Variants in STRADA observed in about 807,000 individuals in gnomAD.
STRADA encodes STE20 related adaptor alpha, also known as STE20-related kinase adapter protein alpha.
In STRADA, 26 loss-of-function variants were observed where a neutral mutation model predicts 55.0. The ratio of observed to expected loss-of-function variants is 0.47; its 90% CI spans 0.35 to 0.66. STRADA has a LOEUF of 0.66. Ranked by LOEUF, STRADA falls within the 30% of genes least tolerant of loss-of-function variation. STRADA has a pLI of 0.01. For synonymous variants in STRADA, 197 were observed against 210.9 expected (o/e 0.93, Z 0.57); for missense variants, 443 against 549.7 (o/e 0.81, Z 1.94).
chr17:63,723,307 A>G lies in STRADA; in HGVS notation c.114T>C (p.Thr38=). The G allele has an allele frequency of 6.2e-7, 1 of 1,614,184 alleles. No homozygotes were observed. Among genetic ancestry groups the G allele is most frequent in the African/African-American group, 1.3e-5 (1 of 75,046 alleles). The stretch of plus-strand genomic sequence containing the variant: ...CTAGGAAGCCACTTACTTTTCTCCG[A>G]GTGTCACCCGGAGGCTGCTCTGGGG... ...ELFGEQPPGD[T]RRKTNDASSE... Residue 38 remains threonine (T), a synonymous_variant, in exon 4 of 13, where the codon ACT becomes ACC. Coordinates refer to ENST00000336174, the MANE Select transcript of STRADA (RefSeq NM_001003787.4).
At chr17:63,732,841 C>T (rs990171302) in intron 1 of STRADA, among the ~76,000 whole-genome samples, 3 of 152,116 alleles carry the variant, frequency 2.0e-5, no homozygotes, top group Non-Finnish European at 4.4e-5. Context: ...CTTGGCCTCC[C>T]AAAGTGGTGA....
At chr17:63,734,619 AGAGT>A (rs1933645182) in intron 1 of STRADA, among the ~76,000 whole-genome samples, 1 of 152,138 alleles carries the variant, frequency 6.6e-6, no homozygotes, top group African/African-American at 2.4e-5. Flanking sequence ...CCTGGATGAC[AGAGT>A]GAGACCCTGT....
At position 63,704,390 on chromosome 17, in the gene STRADA, G is replaced by T. The variant is rs376896311; in HGVS notation, c.1051C>A (p.His351Asn). Residue 351 changes from histidine (H) to asparagine (N), a missense_variant, in exon 11 of 13, where the codon CAC becomes AAC. His to Asn is a moderately conservative substitution (Grantham distance 68). Coordinates refer to ENST00000336174, the MANE Select transcript of STRADA (RefSeq NM_001003787.4). ...CACTGCTCCACAAAGTGGTGGAAGT[G>T]GGGGGAGAAGGTTCGGTGGTAGGGG... ...SHPYHRTFSP[H>N]FHHFVEQCLQ... is the part of the protein sequence containing the mutation. The T allele has an allele frequency of 3.1e-5, 50 of 1,612,552 alleles. No homozygotes were observed. Among genetic ancestry groups the T allele is most frequent in the East Asian group, 1.1e-4 (5 of 44,822 alleles).
At chr17:63,714,191 C>T (rs1482899721) in intron 4 of STRADA, 83 bp from the exon 5 acceptor site, 4 of 977,262 alleles carry the variant, frequency 4.1e-6, no homozygotes, top group East Asian at 2.6e-5. Context: ...TTCAGACCCA[C>T]GAGGAGACTG....
intron 8 of STRADA, among the ~76,000 whole-genome samples, chr17:63,709,566 T>A (rs1199198629): frequency 6.6e-6 from 1 of 151,964 alleles, no homozygotes; most frequent in Non-Finnish European, 1.5e-5. Context: ...ATAGAAATCT[T>A]CTTGATCTAA....
At chr17:63,707,623 A>G (rs867910162) in intron 8 of STRADA, 18 of 542,454 alleles carry the variant, frequency 3.3e-5, no homozygotes, top group African/African-American at 2.5e-4. Context: ...GCAGTGGCTC[A>G]ATCTAGGCTC....
Position 63,704,350 on chromosome 17 carries a change from G to A in STRADA, c.1091C>T (p.Pro364Leu), listed in dbSNP as rs775610521. 28 of 1,612,336 alleles carry A rather than the reference G, an allele frequency of 1.7e-5. No homozygotes were observed. The highest frequency in any genetic ancestry group is 2.1e-5 in the Non-Finnish European group (25 of 1,179,584). ...AGGCCAGCAGGGATACCTGGCATCC[G>A]GGTTGCGCTGAAGGCACTGCTCCAC... Reference protein sequence around the residue: ...HFVEQCLQRNPDARPSASTLL... With the variant: ...HFVEQCLQRNLDARPSASTLL... Residue 364 changes from proline (P) to leucine (L), a missense_variant, in exon 11 of 13, where the codon CCG becomes CTG. Pro to Leu is a moderately conservative substitution (Grantham distance 98, BLOSUM62 -3). Coordinates refer to ENST00000336174, the MANE Select transcript of STRADA (RefSeq NM_001003787.4).
chr17:63,731,558 C>T (rs982787127), intron 1 of STRADA, among the ~76,000 whole-genome samples: 5 of 152,118 alleles, frequency 3.3e-5, no homozygotes, highest in Admixed American at 3.3e-4. Context: ...GCCACCGCGC[C>T]TGGCCGGCCC....
chr17:63,728,735 TAAAA>T (rs36091754), intron 1 of STRADA, among the ~76,000 whole-genome samples: 13,355 of 112,418 alleles, frequency 0.12, 2,965 homozygotes, highest in African/African-American at 0.42. Flanking sequence ...CCCATCTCTA[TAAAA>T]AAAAAAAAAA....
At chr17:63,738,113 C>G (rs540678847) in intron 1 of STRADA, among the ~76,000 whole-genome samples, 1 of 151,856 alleles carries the variant, frequency 6.6e-6, no homozygotes, top group African/African-American at 2.4e-5. Context: ...GAGGCCGAGG[C>G]GGGCAGATCA....
intron 3 of STRADA, among the ~76,000 whole-genome samples, chr17:63,725,243 A>G (rs2037565792): frequency 6.6e-6 from 1 of 152,092 alleles, no homozygotes; most frequent in African/African-American, 2.4e-5. Context: ...AAACAAAACA[A>G]CAACAAAATA....
chr17:63,716,102 T>G (rs1016028593), intron 4 of STRADA, among the ~76,000 whole-genome samples: 26 of 151,680 alleles, frequency 1.7e-4, no homozygotes, highest in African/African-American at 6.3e-4. Context: ...GTGGTTTTTT[T>G]TTTTTTTTTT....
chr17:63,703,525 T>C lies in STRADA; in HGVS notation c.*74A>G. The C allele has an allele frequency of 7.1e-7, 1 of 1,411,150 alleles. No homozygotes were observed. Among genetic ancestry groups the C allele is most frequent in the Non-Finnish European group, 9.7e-7 (1 of 1,035,472 alleles). 87.4% of individuals were successfully genotyped at this position (1,411,150 alleles called of 1,614,324 possible). On this transcript the variant is annotated 3_prime_UTR_variant, in exon 13 of 13. Coordinates refer to ENST00000336174, the MANE Select transcript of STRADA (RefSeq NM_001003787.4). ...CAATCTGCCCAGGAGGGCGGGAATGTGGCCGGCCCTCAGGAAGGGCCTCTG... is the reference window on the plus strand; with the variant it reads ...CAATCTGCCCAGGAGGGCGGGAATGCGGCCGGCCCTCAGGAAGGGCCTCTG...
intron 2 of STRADA, chr17:63,727,707 A>G (rs571411581): frequency 6.6e-6 from 1 of 152,332 alleles, no homozygotes; most frequent in South Asian, 2.1e-4. Context: ...TTTAATATGT[A>G]AAGAAAGTGG....
chr17:63,706,475 G>C (rs2036097936), intron 10 of STRADA, 160 bp downstream of exon 10: 1 of 626,038 alleles, frequency 1.6e-6, no homozygotes, highest in Non-Finnish European at 2.8e-6. Context: ...AGTAAACAAA[G>C]AGTGAGGTCA....
intron 4 of STRADA, among the ~76,000 whole-genome samples, chr17:63,721,111 C>T (rs1257413530): frequency 4.0e-5 from 6 of 151,490 alleles, no homozygotes; most frequent in Non-Finnish European, 8.8e-5. Flanking sequence ...TGGTGGCTCA[C>T]GCCTGTAATC....
chr17:63,733,079 A>C (rs1403323637), intron 1 of STRADA, among the ~76,000 whole-genome samples: 2 of 152,168 alleles, frequency 1.3e-5, no homozygotes, highest in Non-Finnish European at 2.9e-5. Flanking sequence ...TAGTAGAGAC[A>C]GGGTTTTACC....
At chr17:63,704,658 C>T in intron 10 of STRADA, 76 bp from the exon 11 acceptor site, 10 of 1,515,280 alleles carry the variant, frequency 6.6e-6, no homozygotes, top group Non-Finnish European at 8.8e-6. Flanking sequence ...CTGAGAGTCT[C>T]TTCACAAATA....
At chr17:63,724,675 G>A (rs372091336) in intron 3 of STRADA, among the ~76,000 whole-genome samples, 1 of 152,102 alleles carries the variant, frequency 6.6e-6, no homozygotes, top group Non-Finnish European at 1.5e-5. Context: ...GCCTCCCAAA[G>A]TGCTGGGATT....
Sources: gnomAD v4.1 joint callset for allele counts (sites outside exome capture counted in the v4.1 genomes callset) on GRCh38, gnomAD v4.1.1 for gene constraint, MANE v1.5 for transcripts, NCBI Gene and HGNC (gene_info 2026-07-23, HGNC 2026-07-21) for gene names.